AIG1: variants seen among roughly 807,000 people sequenced by gnomAD.
AIG1 encodes the protein androgen induced 1.
In AIG1, 23 loss-of-function variants were observed where a neutral mutation model predicts 31.4. The observed-to-expected ratio is 0.73, with a 90% CI of 0.53 to 1.04. AIG1 has a LOEUF of 1.04. AIG1 is among the 50% of genes least tolerant of loss of function. The probability of loss-of-function intolerance (pLI) is 0.00; values close to 1 mark genes in which losing one functional copy is unlikely to be tolerated. For missense variants in AIG1, 274 were observed against 295.0 expected (o/e 0.93, Z 0.52); for synonymous variants, 100 against 110.5 (o/e 0.90, Z 0.60).
chr6:143,176,995 C>T lies in AIG1; in HGVS notation c.399+11812C>T, dbSNP rs9403457. On this transcript the variant is annotated intron_variant, in intron 3 of 5. Transcript: ENST00000357847. ...CAGGTTAGTCCTGCCTCTTATCTGCCATTTTTTCCCCCGCATTCTCCCTAA... is the reference window on the plus strand; with the variant it reads ...CAGGTTAGTCCTGCCTCTTATCTGCTATTTTTTCCCCCGCATTCTCCCTAA... 3.2e-3 allele frequency among the ~76,000 whole-genome samples: 490 copies of T among 152,286 alleles called. 14 individuals carry two copies. The East Asian group carries it at 0.061, about 19-fold the overall frequency.
At chr6:143,230,529 A>C (rs1341726008) in intron 3 of AIG1, among the ~76,000 whole-genome samples, 5 of 149,954 alleles carry the variant, frequency 3.3e-5, no homozygotes, top group African/African-American at 1.2e-4. Context: ...CTTTTATAAT[A>C]ATCATATTAG....
rs1000343738 is a variant in AIG1 at position 143,137,095 on chromosome 6, T to C, written c.297+105T>C. 6 of 1,224,640 alleles carry C rather than the reference T, an allele frequency of 4.9e-6. No individual in the cohort carries two copies. The African/African-American group carries it at 9.3e-5, about 19-fold the overall frequency. 75.9% of individuals were successfully genotyped at this position (1,224,640 alleles called of 1,614,324 possible). A position where few individuals can be genotyped will look rare whatever the true frequency, so the allele number is the denominator to read the frequency against. On this transcript the variant is annotated intron_variant, in intron 2 of 5. Transcript: ENST00000357847. ...TCATTATAAGAGGTTTCTGTATTATTAGTTTGCTGGAGCTGTCAGTACCAC... is the reference window on the plus strand; with the variant it reads ...TCATTATAAGAGGTTTCTGTATTATCAGTTTGCTGGAGCTGTCAGTACCAC...
At chr6:143,125,691 C>T (rs1440617984) in intron 1 of AIG1, among the ~76,000 whole-genome samples, 3 of 152,154 alleles carry the variant, frequency 2.0e-5, no homozygotes, top group Non-Finnish European at 2.9e-5. Flanking sequence ...TGACTGTACC[C>T]ATTACTGTGT....
intron 4 of AIG1, among the ~76,000 whole-genome samples, chr6:143,305,633 C>A (rs566813898): frequency 2.0e-5 from 3 of 152,198 alleles, no homozygotes; most frequent in African/African-American, 7.2e-5. Flanking sequence ...CTGAGGAGAG[C>A]TTTACTTCCA....
At position 143,096,031 on chromosome 6, in the gene AIG1, C is replaced by T. The variant is rs554395705; in HGVS notation, c.141+34965C>T. 6.6e-5 allele frequency among the ~76,000 whole-genome samples: 10 copies of T among 151,700 alleles called. No individual in the cohort carries two copies. In the South Asian group the frequency reaches 8.3e-4, roughly 13 times the overall value. ...AAGCTATTCTCCTGCCTCAGCCTCC[C>T]GAGTAGCTGGGACTACAGGCGTGTG... On this transcript the variant is annotated intron_variant, in intron 1 of 5. Coordinates refer to ENST00000357847, the MANE Select transcript of AIG1 (RefSeq NM_016108.4).
In AIG1 at chr6:143,336,205, T is replaced by C. The variant is rs559263253; in HGVS notation, c.679+2760T>C. Among the ~76,000 whole-genome samples the C allele has an allele frequency of 8.2e-4, 125 of 152,326 alleles. 1 individual carries two copies. Among genetic ancestry groups the C allele is most frequent in the African/African-American group, 2.9e-3 (119 of 41,578 alleles). Reference sequence around the variant, plus strand: ...TCCCCCAAGAAGAAGGAAGATTGCATTGGAGCCACCCTCCTTTTTCCATAA... The same window carrying C: ...TCCCCCAAGAAGAAGGAAGATTGCACTGGAGCCACCCTCCTTTTTCCATAA... On this transcript the variant is annotated intron_variant, in intron 5 of 5. Transcript: ENST00000357847.
chr6:143,069,102 T>G (rs1777004156), intron 1 of AIG1, among the ~76,000 whole-genome samples: 1 of 151,502 alleles, frequency 6.6e-6, no homozygotes, highest in Non-Finnish European at 1.5e-5. Context: ...GCAACCTCCA[T>G]CTCCTAGGTT....
chr6:143,282,190 T>C (rs1797382667), intron 3 of AIG1, among the ~76,000 whole-genome samples: 1 of 152,174 alleles, frequency 6.6e-6, no homozygotes, highest in South Asian at 2.1e-4. Flanking sequence ...TTTGGAGCAA[T>C]GAATGAAGGG....
At chr6:143,230,602 G>T (rs1269687910) in intron 3 of AIG1, among the ~76,000 whole-genome samples, 2 of 149,834 alleles carry the variant, frequency 1.3e-5, no homozygotes, top group African/African-American at 4.9e-5. Context: ...TATAAATTAA[G>T]AATATCCTAT....
intron 5 of AIG1, 53 bp from the exon 6 acceptor site, chr6:143,339,586 C>G (rs1777761579): frequency 4.4e-6 from 7 of 1,581,156 alleles, no homozygotes; most frequent in Non-Finnish European, 6.1e-6. Flanking sequence ...ATTAAACAAA[C>G]TGCTTGTGGT....
At chr6:143,089,018 C>T (rs1369823195) in intron 1 of AIG1, among the ~76,000 whole-genome samples, 1 of 151,968 alleles carries the variant, frequency 6.6e-6, no homozygotes, top group Non-Finnish European at 1.5e-5. Context: ...CGAAACTAGC[C>T]TGGCCAACAT....
At chr6:143,271,037 A>G (rs1796491229) in intron 3 of AIG1, among the ~76,000 whole-genome samples, 1 of 152,198 alleles carries the variant, frequency 6.6e-6, no homozygotes, top group Non-Finnish European at 1.5e-5. Flanking sequence ...TCTGCTTTCG[A>G]TTACACTCAG....
At chr6:143,188,381 C>T (rs991656746) in intron 3 of AIG1, 1 of 985,474 alleles carries the variant, frequency 1.0e-6, no homozygotes, top group Non-Finnish European at 1.2e-6. Flanking sequence ...GATTGCACTT[C>T]TCATGCTGGT....
rs1583565539 is a variant in AIG1 at position 143,228,120 on chromosome 6, C to T, written c.400-55990C>T. On this transcript the variant is annotated intron_variant, in intron 3 of 5. Coordinates refer to ENST00000357847, the MANE Select transcript of AIG1 (RefSeq NM_016108.4). ...CCACTCGGACCTCCCCTCATCCCTG[C>T]ACCAGTCCCTGTGTTACCTCCAAAA... Among the ~76,000 whole-genome samples the T allele has an allele frequency of 2.6e-5, 4 of 152,280 alleles. No individual in the cohort carries two copies. In the South Asian group the frequency reaches 8.3e-4, roughly 32 times the overall value.
intron 3 of AIG1, among the ~76,000 whole-genome samples, chr6:143,192,271 T>C (rs1436738619): frequency 1.3e-5 from 2 of 152,198 alleles, no homozygotes; most frequent in African/African-American, 4.8e-5. Flanking sequence ...AAAAGCCACA[T>C]CCTTAGACTG....
chr6:143,189,609 G>A (rs1789601856), intron 3 of AIG1: 1 of 985,158 alleles, frequency 1.0e-6, no homozygotes, highest in African/African-American at 1.7e-5. Context: ...ATATTTCATT[G>A]TTTTACCCTA....
rs530607641 is a variant in AIG1 at position 143,320,535 on chromosome 6, T to TA, written c.516-12744dup. On this transcript the variant is annotated intron_variant, in intron 4 of 5. Coordinates refer to ENST00000357847, the MANE Select transcript of AIG1 (RefSeq NM_016108.4). ...ATGTTATTCAGCCCTTAAAAAGGAA[T>TA]AAATCCTTCCATTTGCTAAAATGTG... Among the ~76,000 whole-genome samples the TA allele has an allele frequency of 9.8e-4, 149 of 152,314 alleles. 1 individual carries two copies. Among genetic ancestry groups the TA allele is most frequent in the African/African-American group, 3.6e-3 (148 of 41,574 alleles).
Position 143,327,268 on chromosome 6 carries a change from TG to T in AIG1, c.516-6012del. On this transcript the variant is annotated intron_variant, in intron 4 of 5. Coordinates refer to ENST00000357847, the MANE Select transcript of AIG1 (RefSeq NM_016108.4). This position sits in a 1 kb window ranked among gnomAD's most constrained non-coding sequence, Gnocchi z 5.3. ...ACACTCTTCCTTTCCAACTTGGGCC[TG>T]GCAGAATGGTTCTCACAAAGAAGGA... 1 of 204,240 alleles carries T rather than the reference TG, an allele frequency of 4.9e-6. No homozygotes were observed. 12.7% of individuals were successfully genotyped at this position (204,240 alleles called of 1,614,324 possible). A position where few individuals can be genotyped will look rare whatever the true frequency, so the allele number is the denominator to read the frequency against.
intron 3 of AIG1, among the ~76,000 whole-genome samples, chr6:143,187,175 A>G (rs755444743): frequency 6.6e-6 from 1 of 152,212 alleles, no homozygotes; most frequent in Non-Finnish European, 1.5e-5. Context: ...TTAAAAGCTG[A>G]TATAAAATGT....
Sources: allele counts gnomAD v4.1 joint callset (sites outside exome capture counted in the v4.1 genomes callset), GRCh38; gene constraint gnomAD v4.1.1; non-coding constraint Gnocchi (gnomAD v3.1); transcripts MANE v1.5; gene names NCBI Gene and HGNC (gene_info 2026-07-23, HGNC 2026-07-21).